Variants in CAMTA1 observed in about 807,000 individuals in gnomAD.
The protein encoded by CAMTA1 is calmodulin-binding transcription activator 1.
CAMTA1 carries 27 observed loss-of-function variants against 170.9 expected under a neutral mutation model. The observed-to-expected ratio is 0.16, with a 90% CI of 0.12 to 0.22. The LOEUF is 0.22. Ranked by LOEUF, CAMTA1 falls within the 10% of genes least tolerant of loss-of-function variation. CAMTA1 has a pLI of 1.00. For missense variants in CAMTA1, 1,619 were observed against 2,217.2 expected, an observed-to-expected ratio of 0.73 and a Z score of 5.42; for synonymous variants, 833 against 891.5, an observed-to-expected ratio of 0.93 and a Z score of 1.17.
chr1:7,518,111 C>T lies in CAMTA1; in HGVS notation c.510+50210C>T, dbSNP rs113774478. Among the ~76,000 whole-genome samples the T allele has an allele frequency of 8.7e-3, 1,322 of 152,024 alleles. 36 individuals are homozygous for T. Among genetic ancestry groups the T allele is most frequent in the African/African-American group, 0.031 (1,265 of 41,320 alleles). On this transcript the variant is annotated intron_variant, in intron 6 of 22. Transcript: ENST00000303635. ...GCTGGATGTGAGAAGTGGATGGGAC[C>T]GTGATCCCAGAGTCAGGTTATATTT...
rs367848023 is a variant in CAMTA1 at position 7,732,538 on chromosome 1, C to A, written c.3005C>A (p.Ala1002Glu). The A allele has an allele frequency of 5.0e-6, 8 of 1,613,446 alleles. No individual in the cohort carries two copies. Among genetic ancestry groups the A allele is most frequent in the Non-Finnish European group, 6.8e-6 (8 of 1,179,912 alleles). The change falls in exon 12 of 23, where the codon GCG becomes GAG. Residue 1002 changes from alanine (A) to glutamate (E), a missense_variant. Coordinates refer to ENST00000303635, the MANE Select transcript of CAMTA1 (RefSeq NM_015215.4). The surrounding 1 kb of genome is among the most constrained non-coding windows in gnomAD (Gnocchi z 4.1). Reference sequence around the variant, plus strand: ...ACGGGGTCCCAGCAGCACAAACAGGCGAGCGGAGGCGGCAGCAGTGGAGGC... The same window carrying A: ...ACGGGGTCCCAGCAGCACAAACAGGAGAGCGGAGGCGGCAGCAGTGGAGGC... ...EMTGSQQHKQ[A>E]SGGGSSGGGS...
intron 6 of CAMTA1, among the ~76,000 whole-genome samples, chr1:7,624,263 T>C (rs556186627): frequency 5.9e-5 from 9 of 152,316 alleles, no homozygotes; most frequent in Middle Eastern, 3.4e-3. Context: ...CAATTGGTGA[T>C]GACAACGCAG....
intron 3 of CAMTA1, among the ~76,000 whole-genome samples, chr1:7,013,456 A>G (rs1700109575): frequency 6.6e-6 from 1 of 151,798 alleles, no homozygotes; most frequent in Admixed American, 6.6e-5. Flanking sequence ...CAAGTGATCC[A>G]CCCACTTCAG....
At chr1:6,899,130 T>C (rs1390156523) in intron 3 of CAMTA1, among the ~76,000 whole-genome samples, 1 of 152,176 alleles carries the variant, frequency 6.6e-6, no homozygotes, top group Non-Finnish European at 1.5e-5. Flanking sequence ...GCCCAGTCTG[T>C]TTCCCCATCT....
At chr1:7,731,532 A>T (rs1379672701) in intron 11 of CAMTA1, among the ~76,000 whole-genome samples, 1 of 150,896 alleles carries the variant, frequency 6.6e-6, no homozygotes, top group Non-Finnish European at 1.5e-5. Flanking sequence ...AGATTGCGCC[A>T]TTGCACTCCA....
At chr1:7,425,971 G>A (rs1384328041) in intron 5 of CAMTA1, among the ~76,000 whole-genome samples, 1 of 152,186 alleles carries the variant, frequency 6.6e-6, no homozygotes, top group Non-Finnish European at 1.5e-5. Context: ...CCTGTGCCAG[G>A]CATGGGGCCA....
chr1:7,738,491 C>T lies in CAMTA1; in HGVS notation c.4182+9C>T, dbSNP rs1243657671. ...CCATGGATGACATACAGGTAAAAAG[C>T]AGGGACAGGGTAAGCCCGCAGAGGC... On this transcript the variant is annotated intron_variant, in intron 16 of 22. Transcript: ENST00000303635. This position sits in a 1 kb window ranked among gnomAD's most constrained non-coding sequence, Gnocchi z 4.9. 6.2e-7 allele frequency: 1 copy of T among 1,610,530 alleles called. No individual in the cohort carries two copies. The highest frequency in any genetic ancestry group is 2.2e-5 in the East Asian group (1 of 44,822).
chr1:6,833,621 A>G (rs1651484720), intron 3 of CAMTA1, among the ~76,000 whole-genome samples: 1 of 152,186 alleles, frequency 6.6e-6, no homozygotes, highest in South Asian at 2.1e-4. Flanking sequence ...TTACATATCA[A>G]GCATTTGTAT....
intron 3 of CAMTA1, among the ~76,000 whole-genome samples, chr1:7,016,644 G>A (rs1301785751): frequency 6.6e-6 from 1 of 152,166 alleles, no homozygotes; most frequent in African/African-American, 2.4e-5. Context: ...GACCAGCCTG[G>A]CTAACATGGG....
intron 5 of CAMTA1, among the ~76,000 whole-genome samples, chr1:7,330,922 T>C (rs1279959065): frequency 6.6e-6 from 1 of 152,100 alleles, no homozygotes; most frequent in Non-Finnish European, 1.5e-5. Context: ...ATCGTAGGGC[T>C]TTGGGAGGCT....
At chr1:6,885,142 TAC>T (rs1672855351) in intron 3 of CAMTA1, among the ~76,000 whole-genome samples, 1 of 152,250 alleles carries the variant, frequency 6.6e-6, no homozygotes, top group African/African-American at 2.4e-5. Flanking sequence ...GTGTTTTGCT[TAC>T]AGAGTCACCC....
chr1:7,481,410 C>G (rs974025302), intron 6 of CAMTA1, among the ~76,000 whole-genome samples: 1 of 152,178 alleles, frequency 6.6e-6, no homozygotes, highest in Non-Finnish European at 1.5e-5. Context: ...TTTGCACATG[C>G]TCCTCCCTCT....
chr1:7,537,236 G>A (rs2094560127), intron 6 of CAMTA1, among the ~76,000 whole-genome samples: 1 of 152,222 alleles, frequency 6.6e-6, no homozygotes, highest in Non-Finnish European at 1.5e-5. Flanking sequence ...CATCAGGGCT[G>A]TCTTTGGAAA....
At chr1:7,348,525 A>G (rs990419220) in intron 5 of CAMTA1, among the ~76,000 whole-genome samples, 4 of 151,958 alleles carry the variant, frequency 2.6e-5, no homozygotes, top group African/African-American at 9.7e-5. Context: ...AGGTGCAGGA[A>G]CATGGCAGAA....
intron 5 of CAMTA1, among the ~76,000 whole-genome samples, chr1:7,265,487 T>C (rs1668783148): frequency 6.6e-6 from 1 of 152,066 alleles, no homozygotes; most frequent in East Asian, 1.9e-4. Context: ...CTAATTTTTG[T>C]ATTTTTAGTA....
At chr1:7,106,786 C>G (rs893314143) in intron 4 of CAMTA1, among the ~76,000 whole-genome samples, 4 of 152,036 alleles carry the variant, frequency 2.6e-5, no homozygotes, top group Non-Finnish European at 4.4e-5. Flanking sequence ...TCTCATGAAC[C>G]TGCTCTCCTA....
intron 5 of CAMTA1, among the ~76,000 whole-genome samples, chr1:7,340,040 A>AT (rs1557547494): frequency 6.6e-6 from 1 of 152,028 alleles, no homozygotes; most frequent in African/African-American, 2.4e-5. Flanking sequence ...GAATCAGCAA[A>AT]TTTTTTTCTG....
intron 3 of CAMTA1, among the ~76,000 whole-genome samples, chr1:6,982,569 G>T (rs890953843): frequency 1.3e-5 from 2 of 152,170 alleles, no homozygotes; most frequent in South Asian, 2.1e-4. Context: ...CCCTCGGGAG[G>T]CCCTTAGCTA....
chr1:7,491,006 G>C (rs1325750741), intron 6 of CAMTA1, among the ~76,000 whole-genome samples: 1 of 152,216 alleles, frequency 6.6e-6, no homozygotes, highest in Non-Finnish European at 1.5e-5. Context: ...TTTGTTCTGT[G>C]AATGTCATTT....
Sources: allele counts gnomAD v4.1 joint callset (sites outside exome capture counted in the v4.1 genomes callset), GRCh38; gene constraint gnomAD v4.1.1; non-coding constraint Gnocchi (gnomAD v3.1); transcripts MANE v1.5; gene names NCBI Gene and HGNC (gene_info 2026-07-23, HGNC 2026-07-21).